The following REV3L variants were observed in gnomAD, a reference collection of about 807,000 sequenced individuals.
The protein encoded by REV3L is DNA polymerase zeta catalytic subunit.
A neutral mutation model predicts 299.4 loss-of-function variants in REV3L; 69 were observed. The ratio of observed to expected loss-of-function variants is 0.23; its 90% CI spans 0.19 to 0.28. The LOEUF is 0.28. REV3L is among the 10% of genes least tolerant of loss of function. The probability of loss-of-function intolerance (pLI) is 1.00; values close to 1 mark genes in which losing one functional copy is unlikely to be tolerated. For missense variants in REV3L, 3,128 were observed against 3,693.8 expected (o/e 0.85, Z 3.97); for synonymous variants, 1,238 against 1,271.4 (o/e 0.97, Z 0.56).
chr6:111,333,221 A>G lies in REV3L; in HGVS notation c.7827T>C (p.Ser2609=). 6.2e-7 allele frequency: 1 copy of G among 1,614,202 alleles called. No individual in the cohort carries two copies. Among genetic ancestry groups the G allele is most frequent in the Non-Finnish European group, 8.5e-7 (1 of 1,180,034 alleles). Residue 2609 remains serine, a synonymous_variant, in exon 23 of 32, where the codon TCT becomes TCC. Transcript: ENST00000368802. ...MEPESRFYSN[S]VLVLDFQSLY... is the part of the protein sequence containing the mutation. ...GTGATTGGAAATCCAAAACGAGAAC[A>G]GAGTTGCTATAGAAGCGGGATTCAG...
chr6:111,467,069 T>C (rs2128332913), intron 1 of REV3L, among the ~76,000 whole-genome samples: 1 of 152,352 alleles, frequency 6.6e-6, no homozygotes, highest in East Asian at 1.9e-4. Context: ...CTTTCTGCCA[T>C]GCCCCACTAA....
chr6:111,467,842 G>A (rs1045266658), intron 1 of REV3L, among the ~76,000 whole-genome samples: 1 of 152,144 alleles, frequency 6.6e-6, no homozygotes, highest in African/African-American at 2.4e-5. Flanking sequence ...TGGATACAGA[G>A]GGAAGACTGT....
chr6:111,373,604 C>A lies in REV3L; in HGVS notation c.4751G>T (p.Arg1584Leu). The change falls in exon 13 of 32, where the codon CGA (arginine) becomes CTA (leucine). Residue 1584 changes from arginine (R) to leucine (L), a missense_variant. Transcript: ENST00000368802. ...TRSVTSPRKPRTPRSTKQKEK... is the reference protein window; with the variant it reads ...TRSVTSPRKPLTPRSTKQKEK... The stretch of plus-strand genomic sequence containing the variant: ...TTTTTGTTTTGTACTTCTGGGAGTT[C>A]GAGGTTTTCTTGGGGACGTTACCGA... The A allele has an allele frequency of 6.2e-7, 1 of 1,613,834 alleles. No individual in the cohort carries two copies. The highest frequency in any genetic ancestry group is 8.5e-7 in the Non-Finnish European group (1 of 1,179,946).
chr6:111,464,368 T>C (rs999440732), intron 1 of REV3L, among the ~76,000 whole-genome samples: 3 of 152,166 alleles, frequency 2.0e-5, no homozygotes, highest in Non-Finnish European at 4.4e-5. Context: ...TGGCAAACAC[T>C]AGGCTTGGAA....
At position 111,481,094 on chromosome 6, in the gene REV3L, T is replaced by G. The variant is rs78398192; in HGVS notation, c.139+1656A>C. Among the ~76,000 whole-genome samples, 646 of 152,294 alleles carry G rather than the reference T, an allele frequency of 4.2e-3. 8 individuals are homozygous for G. The highest frequency in any genetic ancestry group is 0.032 in the East Asian group (164 of 5,190). ...TCAGGAAAACATATTTAATGACTTG[T>G]GTGGAGGAGAAAAAATTATGTGTGG... On this transcript the variant is annotated intron_variant, in intron 1 of 31. Transcript: ENST00000368802.
rs773257037 is a variant in REV3L at position 111,375,551 on chromosome 6, C to T, written c.2804G>A (p.Ser935Asn). 1.1e-5 allele frequency: 18 copies of T among 1,613,598 alleles called. No homozygotes were observed. In the East Asian group the frequency reaches 1.3e-4, roughly 12 times the overall value. The change falls in exon 13 of 32, where the codon AGT becomes AAT. Residue 935 changes from serine to asparagine, a missense_variant. By Grantham distance (46) the Ser-to-Asn change is conservative. Around this residue, in one of 9 missense-constraint regions of REV3L, gnomAD observed 2,409 missense variants for 2,611.8 expected, o/e 0.92. Coordinates refer to ENST00000368802, the MANE Select transcript of REV3L (RefSeq NM_001372078.1). ...AATTTTTGAGTTGTGAGTTACAAAA[C>T]TTGACTCACTGTCTTCAGTCTCATA... ...VNYETEDSESSFVTHNSKISL... is the reference protein window; with the variant it reads ...VNYETEDSESNFVTHNSKISL...
intron 1 of REV3L, among the ~76,000 whole-genome samples, chr6:111,422,603 T>TATATATATAC (rs1562286860): frequency 4.9e-5 from 1 of 20,350 alleles, no homozygotes; most frequent in East Asian, 8.3e-4. Context: ...TACACATATA[T>TATATATATAC]ATATATATAC....
intron 6 of REV3L, 70 bp downstream of exon 6, chr6:111,390,016 G>C (rs892379900): frequency 1.2e-4 from 129 of 1,074,962 alleles, no homozygotes; most frequent in Admixed American, 8.8e-4. Flanking sequence ...TTACAGGCGT[G>C]AGCCACCACA....
At chr6:111,362,887 G>A (rs2115006401) in intron 16 of REV3L, among the ~76,000 whole-genome samples, 1 of 152,296 alleles carries the variant, frequency 6.6e-6, no homozygotes, top group South Asian at 2.1e-4. Context: ...CAGTTCTTCA[G>A]TTGTATAAGC....
intron 25 of REV3L, 127 bp downstream of exon 25, chr6:111,329,405 C>A (rs1296137531): frequency 7.0e-6 from 5 of 718,240 alleles, no homozygotes; most frequent in Non-Finnish European, 2.4e-6. Flanking sequence ...AGGCAGGATT[C>A]AACTCTGGGC....
intron 1 of REV3L, among the ~76,000 whole-genome samples, chr6:111,444,329 A>G (rs1300428933): frequency 6.6e-6 from 1 of 152,230 alleles, no homozygotes; most frequent in Admixed American, 6.5e-5. Flanking sequence ...AAATATTTTT[A>G]AAGTCTCTGT....
At chr6:111,482,482 C>G (rs1424250702) in intron 1 of REV3L, among the ~76,000 whole-genome samples, 1 of 151,634 alleles carries the variant, frequency 6.6e-6, no homozygotes, top group African/African-American at 2.4e-5. Flanking sequence ...GCTCCCGCTC[C>G]CGGCCGCCAC....
intron 31 of REV3L, among the ~76,000 whole-genome samples, chr6:111,301,719 T>C (rs990562090): frequency 2.6e-5 from 4 of 151,960 alleles, no homozygotes; most frequent in African/African-American, 9.7e-5. Context: ...TTAAGGAAAA[T>C]AATAAATCAT....
chr6:111,426,294 G>A (rs968196474), intron 1 of REV3L, among the ~76,000 whole-genome samples: 12 of 152,104 alleles, frequency 7.9e-5, no homozygotes, highest in African/African-American at 1.9e-4. Flanking sequence ...CAAATTGGGT[G>A]GCCTCTAAGA....
At chr6:111,325,117 T>C (rs1416793747) in intron 25 of REV3L, among the ~76,000 whole-genome samples, 1 of 152,174 alleles carries the variant, frequency 6.6e-6, no homozygotes, top group African/African-American at 2.4e-5. Context: ...CGCCTTGGCC[T>C]CCCAAAGTGC....
intron 3 of REV3L, among the ~76,000 whole-genome samples, chr6:111,411,150 T>C (rs1784200536): frequency 6.6e-6 from 1 of 152,206 alleles, no homozygotes; most frequent in Non-Finnish European, 1.5e-5. Context: ...TCCCCTTGCT[T>C]TGAAGCTAAA....
chr6:111,367,649 G>C lies in REV3L; in HGVS notation c.6139C>G (p.Pro2047Ala), dbSNP rs749772192. ...ACATCCATTTTTGGAGGCACTACAG[G>C]TTTGTCATCTGGGTTAACTGAAGAG... ...FSSSVNPDDK[P>A]VVPPKMDVSP... Residue 2047 changes from proline (P) to alanine (A), a missense_variant, in exon 14 of 32, where the codon CCT becomes GCT. This residue lies in a region of REV3L where 2,409 missense variants were observed against 2,611.8 expected (regional missense o/e 0.92). Transcript: ENST00000368802. 6.8e-6 allele frequency: 11 copies of C among 1,614,166 alleles called. No individual in the cohort carries two copies. Among genetic ancestry groups the C allele is most frequent in the South Asian group, 5.5e-5 (5 of 91,086 alleles).
intron 1 of REV3L, among the ~76,000 whole-genome samples, chr6:111,424,662 TC>T (rs746719804): frequency 6.6e-6 from 1 of 152,102 alleles, no homozygotes; most frequent in Non-Finnish European, 1.5e-5. Context: ...CATTTGGAGC[TC>T]CTCCAAAGCC....
At position 111,390,130 on chromosome 6, in the gene REV3L, A is replaced by G; in HGVS notation, c.713T>C (p.Val238Ala). The G allele has an allele frequency of 1.2e-6, 2 of 1,611,566 alleles. No homozygotes were observed. The highest frequency in any genetic ancestry group is 1.7e-6 in the Non-Finnish European group (2 of 1,177,836). Residue 238 changes from valine (V) to alanine (A), a missense_variant, in exon 6 of 32, where the codon GTG becomes GCG. Val to Ala is a moderately conservative substitution (Grantham distance 64, BLOSUM62 0). Around this residue, in one of 9 missense-constraint regions of REV3L, gnomAD observed 2,409 missense variants for 2,611.8 expected, o/e 0.92. Coordinates refer to ENST00000368802, the MANE Select transcript of REV3L (RefSeq NM_001372078.1). ...VEPQSTCELE[V>A]DAVAADILNR... ...TAAGATATCAGCAGCTACAGCATCC[A>G]CTTCTAATTCACATGTACTCTGTGG... is the stretch of plus-strand genomic sequence containing the variant.
Sources: allele counts gnomAD v4.1 joint callset (sites outside exome capture counted in the v4.1 genomes callset), GRCh38; gene constraint gnomAD v4.1.1; regional missense constraint gnomAD v4.1.1; transcripts MANE v1.5; gene names NCBI Gene and HGNC (gene_info 2026-07-23, HGNC 2026-07-21).